Variants in PBX1 observed in about 807,000 individuals in gnomAD.
PBX1 encodes pre-B-cell leukemia transcription factor 1.
Under a neutral mutation model 53.4 loss-of-function variants are expected in PBX1, and 6 were observed. That is an observed-to-expected ratio of 0.11 (90% CI 0.06 to 0.22). PBX1 has a LOEUF of 0.22. Among genes scored for constraint, PBX1 ranks in the 10% least tolerant of loss-of-function variants. PBX1 has a pLI of 1.00. For synonymous variants in PBX1, 204 were observed against 212.3 expected, an observed-to-expected ratio of 0.96 and a Z score of 0.34; for missense variants, 251 against 551.4, an observed-to-expected ratio of 0.46 and a Z score of 5.46.
intron 2 of PBX1, among the ~76,000 whole-genome samples, chr1:164,880,237 T>C (rs1253822662): frequency 6.6e-6 from 1 of 152,178 alleles, no homozygotes; most frequent in East Asian, 1.9e-4. Flanking sequence ...GACCTCATAT[T>C]TGATGCTAGG....
chr1:164,674,955 T>C (rs1661351399), intron 2 of PBX1: 1 of 150,740 alleles, frequency 6.6e-6, no homozygotes, highest in Admixed American at 6.7e-5. Context: ...ATGGTGCTTA[T>C]AGTTTGCCAA....
At chr1:164,824,208 A>G (rs1223864373) in intron 8 of PBX1, among the ~76,000 whole-genome samples, 1 of 152,210 alleles carries the variant, frequency 6.6e-6, no homozygotes. Context: ...TTATCCAAGC[A>G]GCATCTATTT....
intron 2 of PBX1, among the ~76,000 whole-genome samples, chr1:164,857,053 A>G (rs529269305): frequency 7.3e-4 from 111 of 152,290 alleles, no homozygotes; most frequent in South Asian, 8.3e-4. Flanking sequence ...CCTACAATCC[A>G]ACTCAATTCT....
chr1:164,569,240 T>G (rs1177193645), intron 2 of PBX1, among the ~76,000 whole-genome samples: 5 of 152,180 alleles, frequency 3.3e-5, no homozygotes, highest in Non-Finnish European at 7.3e-5. Flanking sequence ...ATCTTTTACT[T>G]CTTAACTGTC....
At chr1:164,722,078 C>T (rs1220225034) in intron 2 of PBX1, among the ~76,000 whole-genome samples, 1 of 152,226 alleles carries the variant, frequency 6.6e-6, no homozygotes, top group South Asian at 2.1e-4. Context: ...GTCCTGGCTC[C>T]TGGGCAAATG....
At chr1:164,602,249 G>A (rs560229287) in intron 2 of PBX1, among the ~76,000 whole-genome samples, 1 of 152,196 alleles carries the variant, frequency 6.6e-6, no homozygotes, top group Non-Finnish European at 1.5e-5. Context: ...AAGCTTAAGG[G>A]ATGACTAGAA....
At chr1:164,590,747 A>T (rs1309748958) in intron 2 of PBX1, among the ~76,000 whole-genome samples, 1 of 152,108 alleles carries the variant, frequency 6.6e-6, no homozygotes, top group Admixed American at 6.5e-5. Context: ...CTGTAAACCA[A>T]ATAAAGAGCA....
chr1:164,567,160 A>G (rs1281464951), intron 2 of PBX1, among the ~76,000 whole-genome samples: 1 of 152,010 alleles, frequency 6.6e-6, no homozygotes, highest in African/African-American at 2.4e-5. Context: ...TTAGAGAATA[A>G]TTTGTGTGTC....
chr1:164,714,332 A>C (rs1557961144), intron 2 of PBX1, among the ~76,000 whole-genome samples: 1 of 152,208 alleles, frequency 6.6e-6, no homozygotes, highest in Non-Finnish European at 1.5e-5. Flanking sequence ...AGTTCTTTAC[A>C]TGTAGGCTAA....
At chr1:164,774,531 G>C (rs979365884) in intron 2 of PBX1, 4 of 152,208 alleles carry the variant, frequency 2.6e-5, no homozygotes, top group Non-Finnish European at 5.9e-5. Flanking sequence ...CATCACTGTG[G>C]TTAGAGGCCG....
rs1669632951 is a variant in PBX1 at position 164,811,928 on chromosome 1, C to T, written c.838-62C>T. On this transcript the variant is annotated intron_variant, in intron 5 of 8. Transcript: ENST00000420696. ...ACCTCTCCCATAAAGCCTTTTTTTTCTTCTGCAATGTTTCTGAAGGATGAA... is the reference window on the plus strand; with the variant it reads ...ACCTCTCCCATAAAGCCTTTTTTTTTTTCTGCAATGTTTCTGAAGGATGAA... The T allele has an allele frequency of 3.0e-5, 43 of 1,427,748 alleles. No individual in the cohort carries two copies. The Admixed American group carries it at 3.2e-4, about 11-fold the overall frequency. 88.4% of individuals were successfully genotyped at this position (1,427,748 alleles called of 1,614,324 possible). A position where few individuals can be genotyped will look rare whatever the true frequency, so the allele number is the denominator to read the frequency against.
intron 8 of PBX1, among the ~76,000 whole-genome samples, chr1:164,822,571 G>A (rs1326159052): frequency 6.6e-6 from 1 of 152,164 alleles, no homozygotes; most frequent in African/African-American, 2.4e-5. Context: ...CAGTGAAGGA[G>A]GTGATGACCT....
At chr1:164,671,375 G>C (rs539728626) in intron 2 of PBX1, among the ~76,000 whole-genome samples, 1 of 152,148 alleles carries the variant, frequency 6.6e-6, no homozygotes. Flanking sequence ...CTGATTAGCC[G>C]TGTGAGGTGG....
intron 2 of PBX1, chr1:164,577,004 GGTGAGT>G (rs1437881247): frequency 6.6e-6 from 1 of 152,256 alleles, no homozygotes. Context: ...TGAGCACGTG[GGTGAGT>G]GTGTGTATGT....
chr1:164,587,515 T>G (rs974147466), intron 2 of PBX1, among the ~76,000 whole-genome samples: 1 of 152,166 alleles, frequency 6.6e-6, no homozygotes, highest in African/African-American at 2.4e-5. Context: ...GCCTCTTTGT[T>G]GTTAGCTGAT....
At chr1:164,652,169 T>C (rs1408397119) in intron 2 of PBX1, 1 of 152,130 alleles carries the variant, frequency 6.6e-6, no homozygotes, top group Non-Finnish European at 1.5e-5. Flanking sequence ...GCCAGTCTTC[T>C]GCCTCAGCCT....
intron 2 of PBX1, among the ~76,000 whole-genome samples, chr1:164,882,064 C>G (rs2486261): frequency 0.36 from 54,601 of 151,968 alleles, 12,034 homozygotes; most frequent in East Asian, 0.56. Context: ...CCTAAAATAA[C>G]CTGAGTCAGT....
chr1:164,774,080 G>A (rs900113042), intron 2 of PBX1, among the ~76,000 whole-genome samples: 4 of 152,318 alleles, frequency 2.6e-5, no homozygotes, highest in Admixed American at 6.5e-5. Context: ...TTAAGGGAAA[G>A]CTAATGAGTT....
At chr1:164,599,981 C>T (rs146067410) in intron 2 of PBX1, among the ~76,000 whole-genome samples, 2,099 of 152,178 alleles carry the variant, frequency 0.014, 18 homozygotes, top group Middle Eastern at 0.024. Flanking sequence ...AATTTTAATT[C>T]ACAGCTGCCA....
Sources: gnomAD v4.1 joint callset for allele counts (sites outside exome capture counted in the v4.1 genomes callset) on GRCh38, gnomAD v4.1.1 for gene constraint, MANE v1.5 for transcripts, NCBI Gene and HGNC (gene_info 2026-07-23, HGNC 2026-07-21) for gene names.